The following NUMB variants were observed in gnomAD, a reference collection of about 807,000 sequenced individuals.
NUMB encodes the protein NUMB endocytic adaptor protein.
NUMB carries 29 observed loss-of-function variants against 59.7 expected under a neutral mutation model. That is an observed-to-expected ratio of 0.49 (90% confidence interval 0.36 to 0.66). NUMB has a LOEUF of 0.66. NUMB is among the 30% of genes least tolerant of loss of function. NUMB has a pLI of 0.00. For missense variants in NUMB, 723 were observed against 822.0 expected, an observed-to-expected ratio of 0.88 and a Z score of 1.47; for synonymous variants, 288 against 288.2, an observed-to-expected ratio of 1.00 and a Z score of 0.01.
At chr14:73,280,686 A>ATTTTTTTTTTTTT (rs397852698) in intron 11 of NUMB, among the ~76,000 whole-genome samples, 1 of 87,724 alleles carries the variant, frequency 1.1e-5, no homozygotes. Context: ...TGTTGGTACT[A>ATTTTTTTTTTTTT]TTTTTTTTTT....
At chr14:73,432,388 A>C (rs148539785) in intron 1 of NUMB, among the ~76,000 whole-genome samples, 2 of 152,128 alleles carry the variant, frequency 1.3e-5, no homozygotes, top group Admixed American at 6.6e-5. Flanking sequence ...ACATGACTTA[A>C]GATCCTCATT....
intron 1 of NUMB, among the ~76,000 whole-genome samples, chr14:73,434,893 A>T (rs889290969): frequency 6.6e-6 from 1 of 152,202 alleles, no homozygotes. Context: ...TCTATTTGGA[A>T]TAATTATTTC....
intron 12 of NUMB, among the ~76,000 whole-genome samples, chr14:73,278,114 C>T (rs1012756596): frequency 3.4e-5 from 5 of 149,080 alleles, no homozygotes; most frequent in Non-Finnish European, 5.9e-5. Context: ...AATTCATCTT[C>T]TGCTCTAACA....
intron 5 of NUMB, among the ~76,000 whole-genome samples, chr14:73,318,575 C>T (rs1176584174): frequency 6.6e-6 from 1 of 152,116 alleles, no homozygotes; most frequent in Non-Finnish European, 1.5e-5. Flanking sequence ...AACCAAAGGC[C>T]TTATACACTT....
At chr14:73,351,248 CG>C (rs1360348353) in intron 4 of NUMB, among the ~76,000 whole-genome samples, 3 of 151,754 alleles carry the variant, frequency 2.0e-5, no homozygotes, top group African/African-American at 7.3e-5. Flanking sequence ...CTGAGGCGGG[CG>C]GATCACAAGG....
At chr14:73,372,365 TTATATATA>T (rs34052943) in intron 2 of NUMB, among the ~76,000 whole-genome samples, 1 of 123,208 alleles carries the variant, frequency 8.1e-6, no homozygotes, top group Non-Finnish European at 1.7e-5. Context: ...ATATAACCTT[TTATATATA>T]TATATATAAA....
chr14:73,346,403 C>T (rs1023430985), intron 4 of NUMB, among the ~76,000 whole-genome samples: 5 of 151,586 alleles, frequency 3.3e-5, no homozygotes, highest in Admixed American at 1.3e-4. Context: ...TTGCTTGAAC[C>T]CAGGAAGCAG....
At chr14:73,443,414 G>A (rs1276144251) in intron 1 of NUMB, among the ~76,000 whole-genome samples, 2 of 151,780 alleles carry the variant, frequency 1.3e-5, no homozygotes, top group Non-Finnish European at 2.9e-5. Context: ...TGGCCAACAT[G>A]GTGAAACCCC....
intron 6 of NUMB, among the ~76,000 whole-genome samples, chr14:73,307,212 G>C (rs1362415201): frequency 1.3e-5 from 2 of 151,954 alleles, no homozygotes; most frequent in African/African-American, 4.8e-5. Flanking sequence ...GGGAGGCTGA[G>C]GCCAGAGAAT....
At chr14:73,429,749 C>T (rs1211611922) in intron 1 of NUMB, among the ~76,000 whole-genome samples, 4 of 152,130 alleles carry the variant, frequency 2.6e-5, no homozygotes, top group Admixed American at 2.0e-4. Flanking sequence ...TTCAGACCAG[C>T]CTGGCCAACA....
chr14:73,404,606 T>C (rs916643098), intron 2 of NUMB, among the ~76,000 whole-genome samples: 2 of 152,212 alleles, frequency 1.3e-5, no homozygotes, highest in African/African-American at 4.8e-5. Context: ...AACATATGTC[T>C]TACAACATTC....
intron 1 of NUMB, among the ~76,000 whole-genome samples, chr14:73,413,860 T>C (rs1897007288): frequency 6.6e-6 from 1 of 152,180 alleles, no homozygotes; most frequent in South Asian, 2.1e-4. Context: ...ATACAGTTCC[T>C]GCCTTTAAAA....
chr14:73,325,936 C>A (rs1019459773), intron 4 of NUMB, among the ~76,000 whole-genome samples: 1 of 152,114 alleles, frequency 6.6e-6, no homozygotes, highest in Non-Finnish European at 1.5e-5. Context: ...GAAGATGGGG[C>A]CAATCCCCCT....
chr14:73,443,835 T>C (rs1883268481), intron 1 of NUMB, among the ~76,000 whole-genome samples: 1 of 151,648 alleles, frequency 6.6e-6, no homozygotes, highest in Non-Finnish European at 1.5e-5. Context: ...TGTATTTTAG[T>C]AGAGACAGGG....
chr14:73,377,154 T>C (rs990529061), intron 2 of NUMB, among the ~76,000 whole-genome samples: 15 of 152,122 alleles, frequency 9.9e-5, no homozygotes, highest in African/African-American at 3.6e-4. Flanking sequence ...TAGGATAACA[T>C]CTAGATGACT....
At chr14:73,344,631 T>C (rs1332108513) in intron 4 of NUMB, among the ~76,000 whole-genome samples, 1 of 152,226 alleles carries the variant, frequency 6.6e-6, no homozygotes, top group Non-Finnish European at 1.5e-5. Flanking sequence ...AAGTGCTTTA[T>C]ATCCCTAAAC....
At chr14:73,363,578 C>G (rs762831603) in intron 3 of NUMB, among the ~76,000 whole-genome samples, 1 of 152,114 alleles carries the variant, frequency 6.6e-6, no homozygotes, top group African/African-American at 2.4e-5. Flanking sequence ...GCTGGCATAA[C>G]CTGGATACCA....
chr14:73,307,728 C>CTT (rs34429117), intron 6 of NUMB, among the ~76,000 whole-genome samples: 18,339 of 95,418 alleles, frequency 0.19, 2,177 homozygotes, highest in South Asian at 0.23. Context: ...GGGCCTCTGT[C>CTT]TTTTTTTTTT....
At chr14:73,454,248 A>G (rs1424537768) in intron 1 of NUMB, among the ~76,000 whole-genome samples, 5 of 152,184 alleles carry the variant, frequency 3.3e-5, no homozygotes, top group Non-Finnish European at 7.3e-5. Flanking sequence ...ATCAGAGTTC[A>G]GAAATCTGCA....
Sources: gnomAD v4.1 joint callset for allele counts (sites outside exome capture counted in the v4.1 genomes callset) on GRCh38, gnomAD v4.1.1 for gene constraint, MANE v1.5 for transcripts, NCBI Gene and HGNC (gene_info 2026-07-23, HGNC 2026-07-21) for gene names.